Variants in CCBE1 observed in about 807,000 individuals in gnomAD.
CCBE1 encodes the protein collagen and calcium binding EGF domains 1, also known as collagen and calcium-binding EGF domain-containing protein 1.
Under a neutral mutation model 50.0 loss-of-function variants are expected in CCBE1, and 37 were observed. That is an observed-to-expected ratio of 0.74 (90% CI 0.57 to 0.97). The LOEUF (loss-of-function observed/expected upper bound fraction) is 0.97, where lower values mean the gene tolerates loss of function less well. Among genes scored for constraint, CCBE1 ranks in the 50% least tolerant of loss-of-function variants. The probability of loss-of-function intolerance (pLI) is 0.00; values close to 1 mark genes in which losing one functional copy is unlikely to be tolerated. For missense variants in CCBE1, 538 were observed against 523.8 expected, an observed-to-expected ratio of 1.03 and a Z score of -0.26; for synonymous variants, 234 against 203.7, an observed-to-expected ratio of 1.15 and a Z score of -1.27.
At chr18:59,571,458 C>T (rs906847405) in intron 2 of CCBE1, among the ~76,000 whole-genome samples, 2 of 124,350 alleles carry the variant, frequency 1.6e-5, no homozygotes, top group Non-Finnish European at 3.1e-5. Context: ...TGGGGAACAT[C>T]ACACACCGGG....
intron 2 of CCBE1, among the ~76,000 whole-genome samples, chr18:59,687,779 C>T (rs138383344): frequency 0.11 from 16,305 of 152,086 alleles, 1,080 homozygotes; most frequent in East Asian, 0.23. Context: ...GCCAACATGG[C>T]AAAACCCCAT....
At chr18:59,520,138 A>C (rs1431438409) in intron 2 of CCBE1, among the ~76,000 whole-genome samples, 1 of 152,022 alleles carries the variant, frequency 6.6e-6, no homozygotes, top group Non-Finnish European at 1.5e-5. Flanking sequence ...TTTGCTTAGG[A>C]TTGTCTTGGC....
chr18:59,630,271 CAAAAA>C (rs34953722), intron 2 of CCBE1, among the ~76,000 whole-genome samples: 2 of 139,812 alleles, frequency 1.4e-5, no homozygotes. Flanking sequence ...GCCTTTTGGG[CAAAAA>C]AAAAAAAAAG....
intron 6 of CCBE1, among the ~76,000 whole-genome samples, chr18:59,448,948 T>C (rs1910805794): frequency 2.0e-5 from 3 of 152,160 alleles, no homozygotes. Flanking sequence ...TGCAGGTGGG[T>C]ACCTGTGGCC....
chr18:59,643,685 G>A (rs1239752107), intron 2 of CCBE1, among the ~76,000 whole-genome samples: 1 of 152,104 alleles, frequency 6.6e-6, no homozygotes, highest in Non-Finnish European at 1.5e-5. Flanking sequence ...GCCAAGTGTG[G>A]GGGCGCACAC....
At chr18:59,658,396 TATATATATATATATATATATA>T (rs1568258620) in intron 2 of CCBE1, among the ~76,000 whole-genome samples, 4 of 39,536 alleles carry the variant, frequency 1.0e-4, no homozygotes, top group African/African-American at 3.9e-4. Context: ...TATATATATA[TATATATATATATATATATATA>T]AAGTTAGCTA....
intron 2 of CCBE1, among the ~76,000 whole-genome samples, chr18:59,573,785 A>T (rs2052952395): frequency 6.6e-6 from 1 of 152,232 alleles, no homozygotes; most frequent in Non-Finnish European, 1.5e-5. Flanking sequence ...AACATCCAGA[A>T]TCCTACAGAA....
At chr18:59,620,432 T>C (rs1461263195) in intron 2 of CCBE1, among the ~76,000 whole-genome samples, 3 of 152,174 alleles carry the variant, frequency 2.0e-5, no homozygotes, top group Non-Finnish European at 4.4e-5. Context: ...GAGACCCTCA[T>C]TATCTTAGAA....
chr18:59,507,602 G>C (rs1046568294), intron 2 of CCBE1, among the ~76,000 whole-genome samples: 3 of 152,202 alleles, frequency 2.0e-5, no homozygotes, highest in Non-Finnish European at 4.4e-5. Context: ...GAATTGTGCT[G>C]TGGCTGTTTC....
intron 2 of CCBE1, among the ~76,000 whole-genome samples, chr18:59,665,598 G>A (rs923779737): frequency 1.3e-5 from 2 of 152,178 alleles, no homozygotes; most frequent in African/African-American, 4.8e-5. Flanking sequence ...AACTGGGTAT[G>A]ACTTCACTGC....
At chr18:59,584,796 G>A (rs1490662191) in intron 2 of CCBE1, among the ~76,000 whole-genome samples, 1 of 152,170 alleles carries the variant, frequency 6.6e-6, no homozygotes, top group Non-Finnish European at 1.5e-5. Flanking sequence ...CTGCAGAACT[G>A]CAAGCCAATT....
At chr18:59,509,965 C>T (rs1914061181) in intron 2 of CCBE1, among the ~76,000 whole-genome samples, 1 of 152,106 alleles carries the variant, frequency 6.6e-6, no homozygotes, top group Non-Finnish European at 1.5e-5. Context: ...TACAAGGACA[C>T]CAGGCTGCCA....
Position 59,439,744 on chromosome 18 carries a change from C to A in CCBE1, c.848G>T (p.Gly283Val). 6.2e-7 allele frequency: 1 copy of A among 1,614,218 alleles called. No homozygotes were observed. Among genetic ancestry groups the A allele is most frequent in the Non-Finnish European group, 8.5e-7 (1 of 1,180,010 alleles). The change falls in exon 8 of 11, where the codon GGC becomes GTC. Residue 283 changes from glycine (G) to valine (V), a missense_variant. Physicochemically the swap from Gly to Val is moderately radical, Grantham distance 109. Coordinates refer to ENST00000439986, the MANE Select transcript of CCBE1 (RefSeq NM_133459.4). The part of the protein sequence containing the change: ...PGPPGQPGPR[G>V]SMGPMGPSPD... Reference sequence around the variant, plus strand: ...AGATGGTCCCATGGGTCCCATTGAGCCCCGTGGGCCGGGCTGCCCAGGAGG... The same window carrying A: ...AGATGGTCCCATGGGTCCCATTGAGACCCGTGGGCCGGGCTGCCCAGGAGG...
chr18:59,681,274 T>C (rs1188019390), intron 2 of CCBE1, among the ~76,000 whole-genome samples: 2 of 152,206 alleles, frequency 1.3e-5, no homozygotes, highest in Admixed American at 1.3e-4. Context: ...GCAGAGGCTC[T>C]TTGGTCCATA....
In CCBE1 at chr18:59,508,711, C is replaced by CTTTTTTTTTTTTTTTT. The variant is rs55881131; in HGVS notation, c.213-28489_213-28474dup. ...AGCACAGTACACACATAGAGTTACG[C>CTTTTTTTTTTTTTTTT]TTTTTTTTTTTTTTTTTTTTTTGAG... On this transcript the variant is annotated intron_variant, in intron 2 of 10. Transcript: ENST00000439986. Among the ~76,000 whole-genome samples, 3 of 95,684 alleles carry CTTTTTTTTTTTTTTTT rather than the reference C, an allele frequency of 3.1e-5. 1 individual carries two copies. Among genetic ancestry groups the CTTTTTTTTTTTTTTTT allele is most frequent in the Admixed American group, 2.3e-4 (2 of 8,638 alleles). The allele number at this position is 95,684 out of a possible 152,430, so 62.8% of individuals were successfully genotyped here. A position where few individuals can be genotyped will look rare whatever the true frequency, so the allele number is the denominator to read the frequency against.
intron 2 of CCBE1, among the ~76,000 whole-genome samples, chr18:59,573,529 C>T (rs1014968581): frequency 6.6e-6 from 1 of 151,824 alleles, no homozygotes; most frequent in African/African-American, 2.4e-5. Flanking sequence ...AAATAAACTT[C>T]TCTGTTTCTC....
At chr18:59,697,623 G>T (rs1224070997), upstream of CCBE1, 1 of 442,340 alleles carries the variant, frequency 2.3e-6, no homozygotes, top group Non-Finnish European at 4.1e-6. Flanking sequence ...AAGTTGTCTC[G>T]TCGGGACGTT....
chr18:59,647,479 T>A (rs1445325122), intron 2 of CCBE1, among the ~76,000 whole-genome samples: 1 of 152,256 alleles, frequency 6.6e-6, no homozygotes, highest in Non-Finnish European at 1.5e-5. Flanking sequence ...TTCTGTATTT[T>A]CCAGATTTTT....
chr18:59,499,651 G>A (rs182704948), intron 2 of CCBE1, among the ~76,000 whole-genome samples: 10 of 152,286 alleles, frequency 6.6e-5, no homozygotes, highest in South Asian at 2.1e-4. Context: ...AACTGCCCTC[G>A]TGATTCAATT....
Sources: gnomAD v4.1 joint callset for allele counts (sites outside exome capture counted in the v4.1 genomes callset) on GRCh38, gnomAD v4.1.1 for gene constraint, MANE v1.5 for transcripts, NCBI Gene and HGNC (gene_info 2026-07-23, HGNC 2026-07-21) for gene names.